Variants in PTPRO observed in about 807,000 individuals in gnomAD.
PTPRO encodes protein tyrosine phosphatase receptor type O.
Under a neutral mutation model 145.2 loss-of-function variants are expected in PTPRO, and 62 were observed. The observed-to-expected ratio is 0.43, with a 90% confidence interval of 0.35 to 0.53. The LOEUF is 0.53. Among genes scored for constraint, PTPRO ranks in the 20% least tolerant of loss-of-function variants. PTPRO has a pLI of 0.01. For synonymous variants in PTPRO, 565 were observed against 514.7 expected (o/e 1.10, Z -1.32); for missense variants, 1,345 against 1,482.7 (o/e 0.91, Z 1.53).
rs957098424 is a variant in PTPRO, at chr12:15,597,149, T to C, written c.*1076T>C. ...TGACAGAGATTTCTTTTTGTTTTGT[T>C]ATTCTTTTGGTTGTCAGTTTCATTT... On this transcript the variant is annotated 3_prime_UTR_variant, in exon 27 of 27. Transcript: ENST00000281171. The C allele has an allele frequency of 2.6e-5, 4 of 152,362 alleles. No individual in the cohort carries two copies. The highest frequency in any genetic ancestry group is 5.9e-5 in the Non-Finnish European group (4 of 68,040). 9.4% of individuals were successfully genotyped at this position (152,362 alleles called of 1,614,324 possible). A position where few individuals can be genotyped will look rare whatever the true frequency, so the allele number is the denominator to read the frequency against.
intron 1 of PTPRO, among the ~76,000 whole-genome samples, chr12:15,468,086 A>G (rs75562328): frequency 6.6e-6 from 1 of 151,728 alleles, no homozygotes; most frequent in South Asian, 2.1e-4. Context: ...TTTATTCTTT[A>G]TTCAAATCCG....
At chr12:15,483,769 A>C (rs1941829477) in intron 1 of PTPRO, among the ~76,000 whole-genome samples, 2 of 152,024 alleles carry the variant, frequency 1.3e-5, no homozygotes, top group African/African-American at 4.8e-5. Context: ...TGAGAAGATT[A>C]TTAATCCTAA....
At chr12:15,414,318 C>T (rs1939885228) in intron 1 of PTPRO, among the ~76,000 whole-genome samples, 1 of 152,196 alleles carries the variant, frequency 6.6e-6, no homozygotes. Flanking sequence ...ACTAACACTG[C>T]TGTTCTGCAG....
intron 7 of PTPRO, among the ~76,000 whole-genome samples, chr12:15,511,302 C>G (rs1942435470): frequency 6.6e-6 from 1 of 152,118 alleles, no homozygotes; most frequent in Non-Finnish European, 1.5e-5. Context: ...CCAACACACA[C>G]CCAAGGAGGT....
rs373925594 is a variant in PTPRO, at chr12:15,581,790, C to T, written c.3244C>T (p.Arg1082Trp). ...GGACGACTGGGCCTGTAGACACTTC[C>T]GGATCAACTATGTAAGTCACCAGGC... ...EQDDWACRHF[R>W]INYADEMQDV... The change falls in exon 23 of 27, where the codon CGG (arginine) becomes TGG (tryptophan). Residue 1082 changes from arginine (R) to tryptophan (W), a missense_variant. Transcript: ENST00000281171. 2.0e-5 allele frequency: 33 copies of T among 1,613,726 alleles called. No individual in the cohort carries two copies. The highest frequency in any genetic ancestry group is 1.6e-4 in the Middle Eastern group (1 of 6,082).
At position 15,370,827 on chromosome 12, in the gene PTPRO, A is replaced by G. The variant is rs576537554; in HGVS notation, c.75+48026A>G. 2.6e-5 allele frequency among the ~76,000 whole-genome samples: 4 copies of G among 152,326 alleles called. 1 individual carries two copies. The highest frequency in any genetic ancestry group is 9.6e-5 in the African/African-American group (4 of 41,590). On this transcript the variant is annotated intron_variant, in intron 1 of 26. Coordinates refer to ENST00000281171, the MANE Select transcript of PTPRO (RefSeq NM_030667.3). ...AAAGCTTTTGTTAAAAGCAAATGCAATTGTACCTATGAAAAAAAGTTCATT... is the reference window on the plus strand; with the variant it reads ...AAAGCTTTTGTTAAAAGCAAATGCAGTTGTACCTATGAAAAAAAGTTCATT...
chr12:15,480,022 C>G (rs1473971583), intron 1 of PTPRO, among the ~76,000 whole-genome samples: 1 of 152,146 alleles, frequency 6.6e-6, no homozygotes, highest in Non-Finnish European at 1.5e-5. Flanking sequence ...AGGACATTGG[C>G]TAGGACTAAA....
intron 1 of PTPRO, among the ~76,000 whole-genome samples, chr12:15,447,889 GA>G (rs1940942686): frequency 1.3e-5 from 2 of 152,084 alleles, no homozygotes; most frequent in African/African-American, 4.8e-5. Context: ...CTGTATGAGG[GA>G]AATTGTGGAT....
At chr12:15,408,468 G>T (rs913254418) in intron 1 of PTPRO, among the ~76,000 whole-genome samples, 2 of 151,954 alleles carry the variant, frequency 1.3e-5, no homozygotes, top group East Asian at 1.9e-4. Flanking sequence ...TCACTTTGTC[G>T]CCCAGGCTGG....
At chr12:15,522,253 T>C (rs1002294722) in intron 10 of PTPRO, among the ~76,000 whole-genome samples, 1 of 152,028 alleles carries the variant, frequency 6.6e-6, no homozygotes, top group Non-Finnish European at 1.5e-5. Context: ...CCTTCTTTTT[T>C]TTTTTTTTAC....
chr12:15,450,111 A>G (rs534918770), intron 1 of PTPRO, among the ~76,000 whole-genome samples: 42 of 152,052 alleles, frequency 2.8e-4, no homozygotes, highest in South Asian at 8.3e-4. Flanking sequence ...GGCTCCTATT[A>G]TATTTGCTAG....
chr12:15,511,064 T>C (rs917465161), intron 7 of PTPRO, among the ~76,000 whole-genome samples: 6 of 151,820 alleles, frequency 4.0e-5, no homozygotes, highest in African/African-American at 1.5e-4. Context: ...TGCTGTCTAG[T>C]ACATTTTTCT....
At chr12:15,569,527 C>A (rs1370411693) in intron 19 of PTPRO, 29 bp downstream of exon 19, 1 of 1,565,974 alleles carries the variant, frequency 6.4e-7, no homozygotes, top group Non-Finnish European at 8.8e-7. Flanking sequence ...TTTCTACCTT[C>A]TGTAATGGAA....
chr12:15,402,871 A>G (rs981843851), intron 1 of PTPRO, among the ~76,000 whole-genome samples: 1 of 152,208 alleles, frequency 6.6e-6, no homozygotes, highest in African/African-American at 2.4e-5. Flanking sequence ...TAACGTCAAC[A>G]TAACTACATA....
chr12:15,324,121 C>T (rs1370738551), intron 1 of PTPRO, among the ~76,000 whole-genome samples: 1 of 152,112 alleles, frequency 6.6e-6, no homozygotes, highest in Non-Finnish European at 1.5e-5. Flanking sequence ...ATCATAAATG[C>T]ATTAGACTTA....
At position 15,472,880 on chromosome 12, in the gene PTPRO, T is replaced by C. The variant is rs201879398; in HGVS notation, c.76-11094T>C. ...AAATTACAAACACTTCAGCTCTGCA[T>C]TCATACATACTGAAAGCCAGAAAGG... On this transcript the variant is annotated intron_variant, in intron 1 of 26. Coordinates refer to ENST00000281171, the MANE Select transcript of PTPRO (RefSeq NM_030667.3). Among the ~76,000 whole-genome samples, 3 of 152,190 alleles carry C rather than the reference T, an allele frequency of 2.0e-5. No homozygotes were observed. In the East Asian group the frequency reaches 5.8e-4, roughly 29 times the overall value.
chr12:15,372,449 G>A (rs552134402), intron 1 of PTPRO, among the ~76,000 whole-genome samples: 41 of 152,246 alleles, frequency 2.7e-4, no homozygotes, highest in African/African-American at 9.4e-4. Flanking sequence ...TCAAAACCCA[G>A]TCCCTCTTGT....
intron 1 of PTPRO, among the ~76,000 whole-genome samples, chr12:15,438,183 T>C (rs1940654266): frequency 6.6e-6 from 1 of 151,796 alleles, no homozygotes; most frequent in African/African-American, 2.4e-5. Context: ...AGTAATGACA[T>C]TATAAGGAAA....
chr12:15,329,057 C>G (rs1485390427), intron 1 of PTPRO, among the ~76,000 whole-genome samples: 1 of 152,168 alleles, frequency 6.6e-6, no homozygotes, highest in East Asian at 1.9e-4. Context: ...TTTCCTCTTT[C>G]TGCCTACTAA....
Sources: gnomAD v4.1 joint callset for allele counts (sites outside exome capture counted in the v4.1 genomes callset) on GRCh38, gnomAD v4.1.1 for gene constraint, MANE v1.5 for transcripts, NCBI Gene and HGNC (gene_info 2026-07-23, HGNC 2026-07-21) for gene names.